The following PDGFD variants were observed in gnomAD, a reference collection of about 807,000 sequenced individuals.
PDGFD encodes the protein platelet derived growth factor D, also known as platelet-derived growth factor D.
Under a neutral mutation model 44.7 loss-of-function variants are expected in PDGFD, and 30 were observed. That is an observed-to-expected ratio of 0.67 (90% confidence interval 0.50 to 0.91). The LOEUF (loss-of-function observed/expected upper bound fraction) is 0.91. PDGFD is among the 40% of genes least tolerant of loss of function. PDGFD has a pLI of 0.00. For synonymous variants in PDGFD, 173 were observed against 168.4 expected (o/e 1.03, Z -0.21); for missense variants, 445 against 457.8 (o/e 0.97, Z 0.25).
At chr11:104,119,404 A>ATATAAT (rs1861720179) in intron 1 of PDGFD, among the ~76,000 whole-genome samples, 1 of 26,786 alleles carries the variant, frequency 3.7e-5, no homozygotes, top group Non-Finnish European at 6.6e-5. Context: ...TATAATATAT[A>ATATAAT]ATATAATATA....
At chr11:104,125,381 T>G (rs1861826729) in intron 1 of PDGFD, among the ~76,000 whole-genome samples, 1 of 152,132 alleles carries the variant, frequency 6.6e-6, no homozygotes, top group African/African-American at 2.4e-5. Flanking sequence ...TATAAAGGGC[T>G]TCAAATAATT....
At position 103,952,893 on chromosome 11, in the gene PDGFD, A is replaced by G. The variant is rs114812530; in HGVS notation, c.511-5169T>C. Among the ~76,000 whole-genome samples, 1,287 of 152,310 alleles carry G rather than the reference A, an allele frequency of 8.4e-3. 18 individuals are homozygous for G. Among genetic ancestry groups the G allele is most frequent in the African/African-American group, 0.03 (1,235 of 41,570 alleles). The stretch of plus-strand genomic sequence containing the variant: ...GCTCCCTCATTCTCTGCATTTTACT[A>G]TTAAGCTTTGGAACATAGATATGAT... On this transcript the variant is annotated intron_variant, in intron 3 of 6. Coordinates refer to ENST00000393158, the MANE Select transcript of PDGFD (RefSeq NM_025208.5).
At chr11:104,002,564 C>A (rs1287848808) in intron 1 of PDGFD, among the ~76,000 whole-genome samples, 1 of 152,190 alleles carries the variant, frequency 6.6e-6, no homozygotes, top group African/African-American at 2.4e-5. Flanking sequence ...ATTACCCAGT[C>A]TCAGGTAGTT....
At chr11:104,078,469 G>A (rs1860999705) in intron 1 of PDGFD, among the ~76,000 whole-genome samples, 2 of 110,366 alleles carry the variant, frequency 1.8e-5, no homozygotes, top group South Asian at 6.0e-4. Context: ...CTTTCTTACT[G>A]ACTCCCTTAC....
intron 3 of PDGFD, among the ~76,000 whole-genome samples, chr11:103,988,841 T>C (rs1024995332): frequency 5.9e-5 from 9 of 152,200 alleles, no homozygotes; most frequent in Non-Finnish European, 1.0e-4. Context: ...ATCTCTAAGA[T>C]AATGCAGCTT....
chr11:104,060,278 T>C (rs1325908837), intron 1 of PDGFD, among the ~76,000 whole-genome samples: 1 of 152,202 alleles, frequency 6.6e-6, no homozygotes, highest in Admixed American at 6.5e-5. Flanking sequence ...GGTGTCCACA[T>C]ATGCTTGGGT....
intron 1 of PDGFD, among the ~76,000 whole-genome samples, chr11:104,103,043 C>T (rs370516126): frequency 1.1e-4 from 17 of 152,110 alleles, no homozygotes; most frequent in African/African-American, 3.6e-4. Flanking sequence ...CAAACCTGCA[C>T]GTTGTGCACA....
chr11:104,101,547 G>T (rs866219596), intron 1 of PDGFD, among the ~76,000 whole-genome samples: 19 of 152,122 alleles, frequency 1.2e-4, no homozygotes, highest in Non-Finnish European at 2.5e-4. Context: ...AGCTACCAAT[G>T]ACTTTCTTCA....
chr11:104,021,273 T>C (rs1029263781), intron 1 of PDGFD, among the ~76,000 whole-genome samples: 1 of 152,158 alleles, frequency 6.6e-6, no homozygotes, highest in Non-Finnish European at 1.5e-5. Flanking sequence ...CACAGCATTG[T>C]TTTGAGAGAG....
chr11:104,078,379 C>A (rs1860997678), intron 1 of PDGFD, among the ~76,000 whole-genome samples: 1 of 152,096 alleles, frequency 6.6e-6, no homozygotes, highest in Non-Finnish European at 1.5e-5. Flanking sequence ...CTAAGGAAAC[C>A]AGCCACTAGC....
At chr11:103,954,142 C>G (rs2134330731) in intron 3 of PDGFD, among the ~76,000 whole-genome samples, 1 of 152,334 alleles carries the variant, frequency 6.6e-6, no homozygotes, top group South Asian at 2.1e-4. Flanking sequence ...AAGGGTTTCT[C>G]CAGAGAAACT....
At chr11:103,992,109 ATCC>A in intron 3 of PDGFD, among the ~76,000 whole-genome samples, 1 of 152,208 alleles carries the variant, frequency 6.6e-6, no homozygotes. Flanking sequence ...TGACAACATT[ATCC>A]ATTCTGCTTA....
Position 103,962,912 on chromosome 11 carries a change from A to C in PDGFD, c.511-15188T>G, listed in dbSNP as rs78999796. On this transcript the variant is annotated intron_variant, in intron 3 of 6. Coordinates refer to ENST00000393158, the MANE Select transcript of PDGFD (RefSeq NM_025208.5). ...TATTTTTTTTATTTGAAAGATGGCT[A>C]TATTAATACCTCCACAGAGATGGAA... Among the ~76,000 whole-genome samples, 10 of 152,264 alleles carry C rather than the reference A, an allele frequency of 6.6e-5. No individual in the cohort carries two copies. In the East Asian group the frequency reaches 1.9e-3, roughly 29 times the overall value.
chr11:104,063,292 T>C (rs940402201), intron 1 of PDGFD, among the ~76,000 whole-genome samples: 1 of 151,884 alleles, frequency 6.6e-6, no homozygotes, highest in African/African-American at 2.4e-5. Context: ...TTACCTTCTA[T>C]GATGCTGTTT....
intron 1 of PDGFD, among the ~76,000 whole-genome samples, chr11:104,026,827 T>C (rs142888883): frequency 9.2e-4 from 140 of 152,310 alleles, no homozygotes; most frequent in African/African-American, 2.9e-3. Flanking sequence ...GACTCTTTCA[T>C]TGTTCCATCC....
chr11:104,089,024 T>C (rs1369067600), intron 1 of PDGFD, among the ~76,000 whole-genome samples: 1 of 152,128 alleles, frequency 6.6e-6, no homozygotes, highest in Non-Finnish European at 1.5e-5. Context: ...GTTAGAAAGA[T>C]GAGACAAATT....
intron 1 of PDGFD, among the ~76,000 whole-genome samples, chr11:104,001,568 G>A (rs911798241): frequency 3.3e-5 from 5 of 152,192 alleles, no homozygotes; most frequent in African/African-American, 1.2e-4. Context: ...TGTGGTGCTT[G>A]TAATTTTAAC....
rs145300885 is a variant in PDGFD, at chr11:104,160,769, AAGGCTCTGCAGAT to A, written c.124+3022_124+3034del. Among the ~76,000 whole-genome samples, 1,224 of 152,280 alleles carry A rather than the reference AAGGCTCTGCAGAT, an allele frequency of 8.0e-3. 50 individuals carry two copies. The East Asian group carries it at 0.13, about 17-fold the overall frequency. On this transcript the variant is annotated intron_variant, in intron 1 of 6. Coordinates refer to ENST00000393158, the MANE Select transcript of PDGFD (RefSeq NM_025208.5). Reference sequence around the variant, plus strand: ...CACATTTAGCCATTCTACAGGTAGAAAGGCTCTGCAGATATACCTTCAGAACAAGAATACCCTA... The same window carrying A: ...CACATTTAGCCATTCTACAGGTAGAAATACCTTCAGAACAAGAATACCCTA...
intron 1 of PDGFD, among the ~76,000 whole-genome samples, chr11:104,155,990 T>C (rs934480948): frequency 6.6e-6 from 1 of 152,130 alleles, no homozygotes; most frequent in Non-Finnish European, 1.5e-5. Context: ...ATATACAACA[T>C]AGGGACTGCA....
Sources: gnomAD v4.1 joint callset for allele counts (sites outside exome capture counted in the v4.1 genomes callset) on GRCh38, gnomAD v4.1.1 for gene constraint, MANE v1.5 for transcripts, NCBI Gene and HGNC (gene_info 2026-07-23, HGNC 2026-07-21) for gene names.